CHD5: variants seen among roughly 807,000 people sequenced by gnomAD.
CHD5 encodes chromodomain helicase DNA binding protein 5, also known as ATP-dependent chromatin remodeler CHD5.
CHD5 carries 69 observed loss-of-function variants against 230.3 expected under a neutral mutation model. The observed-to-expected ratio is 0.30, with a 90% CI of 0.25 to 0.37. The LOEUF is 0.37. Ranked by LOEUF, CHD5 falls within the 10% of genes least tolerant of loss-of-function variation. CHD5 has a pLI of 1.00. For missense variants in CHD5, 1,827 were observed against 2,622.8 expected, an observed-to-expected ratio of 0.70 and a Z score of 6.63; for synonymous variants, 1,064 against 1,065.9, an observed-to-expected ratio of 1.00 and a Z score of 0.03.
intron 33 of CHD5, among the ~76,000 whole-genome samples, chr1:6,119,065 T>TA (rs35690342): frequency 3.4e-4 from 49 of 145,726 alleles, no homozygotes; most frequent in Non-Finnish European, 4.8e-4. Flanking sequence ...GCTGTTATCT[T>TA]AAAAAAAAAA....
chr1:6,178,956 A>G (rs1282997692), intron 1 of CHD5, among the ~76,000 whole-genome samples: 2 of 152,084 alleles, frequency 1.3e-5, no homozygotes, highest in Non-Finnish European at 2.9e-5. Flanking sequence ...CAGAGAGGCC[A>G]CAGACTTGGC....
Position 6,123,999 on chromosome 1 carries a change from G to T in CHD5, c.4648C>A (p.Pro1550Thr). The part of the protein sequence containing the change: ...GEVISSDPNT[P>T]VPASPAHLLP... Reference sequence around the variant, plus strand: ...AGGTGGGCAGGGCTGGCGGGCACTGGTGTGTTGGGGTCCGAGGAGATCACC... The same window carrying T: ...AGGTGGGCAGGGCTGGCGGGCACTGTTGTGTTGGGGTCCGAGGAGATCACC... The change falls in exon 31 of 42, where the codon CCA (proline) becomes ACA (threonine). Residue 1550 changes from proline to threonine, a missense_variant. By Grantham distance (38) the Pro-to-Thr change is conservative (BLOSUM62 -1). This residue lies in a region of CHD5 where 272 missense variants were observed against 263.2 expected (regional missense o/e 1.03). Coordinates refer to ENST00000262450, the MANE Select transcript of CHD5 (RefSeq NM_015557.3). 1 of 1,610,578 alleles carries T rather than the reference G, an allele frequency of 6.2e-7. No homozygotes were observed. The highest frequency in any genetic ancestry group is 8.5e-7 in the Non-Finnish European group (1 of 1,179,094).
At chr1:6,147,518 C>A (rs1413006882) in intron 9 of CHD5, among the ~76,000 whole-genome samples, 3 of 152,218 alleles carry the variant, frequency 2.0e-5, no homozygotes, top group African/African-American at 7.2e-5. Context: ...ACAACAGCCA[C>A]AAACCACACC....
At position 6,102,895 on chromosome 1, in the gene CHD5, G is replaced by A. The variant is rs903320316; in HGVS notation, c.*2579C>T. ...TCCACCCCGAGTCACCTGAGCCCAT[G>A]GGGCAATGCCTTCCAAGACCTTGGC... On this transcript the variant is annotated 3_prime_UTR_variant, in exon 42 of 42. Transcript: ENST00000262450. The A allele has an allele frequency of 6.6e-6, 1 of 152,436 alleles. No homozygotes were observed. Among genetic ancestry groups the A allele is most frequent in the African/African-American group, 2.4e-5 (1 of 41,462 alleles). 9.4% of individuals were successfully genotyped at this position (152,436 alleles called of 1,614,324 possible). A position where few individuals can be genotyped will look rare whatever the true frequency, so the allele number is the denominator to read the frequency against.
chr1:6,151,039 C>A lies in CHD5; in HGVS notation c.987G>T (p.Lys329Asn), dbSNP rs1321915524. The change falls in exon 7 of 42, where the codon AAG becomes AAT. Residue 329 changes from lysine (K) to asparagine (N), a missense_variant. By Grantham distance (94) the Lys-to-Asn change is moderately conservative. Transcript: ENST00000262450. The stretch of plus-strand genomic sequence containing the variant: ...CTGGAAGGGGAGTCATACTCCTCTT[C>A]TTCTTGCGCCTCCTCTTGCTCTTCT... ...LGKKSKRRRK[K>N]KRIDDGDGYE... is the part of the protein sequence containing the mutation. 2.6e-6 allele frequency: 4 copies of A among 1,568,304 alleles called. No homozygotes were observed. In the Admixed American group the frequency reaches 7.0e-5, roughly 28 times the overall value.
chr1:6,112,831 T>C, intron 34 of CHD5, 78 bp downstream of exon 34: 2 of 1,067,398 alleles, frequency 1.9e-6, no homozygotes, highest in Non-Finnish European at 2.8e-6. Context: ...TGGGAGACTG[T>C]GGGAGGCTGA....
intron 1 of CHD5, among the ~76,000 whole-genome samples, chr1:6,175,729 T>C (rs1024219797): frequency 2.7e-5 from 4 of 147,138 alleles, no homozygotes; most frequent in African/African-American, 1.0e-4. Flanking sequence ...CGGATGGATA[T>C]ACATATGGAT....
rs1432381827 is a variant in CHD5 at position 6,136,644 on chromosome 1, G to T, written c.2575-6C>A. On this transcript the variant is annotated splice_polypyrimidine_tract_variant and splice_region_variant and intron_variant, in intron 16 of 41. Coordinates refer to ENST00000262450, the MANE Select transcript of CHD5 (RefSeq NM_015557.3). ...CTGTTTAAGACCCTAAAAAACTGAG[G>T]GGAGGAGAGTGGGGCCTGTCAGGGG... 6.2e-7 allele frequency: 1 copy of T among 1,614,116 alleles called. No homozygotes were observed. Among genetic ancestry groups the T allele is most frequent in the East Asian group, 2.2e-5 (1 of 44,870 alleles).
rs954308742 is a variant in CHD5 at position 6,155,256 on chromosome 1, G to A, written c.506+343C>T. ...TGGGTTTTCAGGCCCTGCAAGACTT[G>A]TGGGGCCACAGGTGGGCTACAGTGG... On this transcript the variant is annotated intron_variant, in intron 4 of 41. Coordinates refer to ENST00000262450, the MANE Select transcript of CHD5 (RefSeq NM_015557.3). The surrounding 1 kb of genome is among the most constrained non-coding windows in gnomAD (Gnocchi z 4.0). Among the ~76,000 whole-genome samples, 2 of 152,052 alleles carry A rather than the reference G, an allele frequency of 1.3e-5. No homozygotes were observed. Among genetic ancestry groups the A allele is most frequent in the African/African-American group, 4.8e-5 (2 of 41,352 alleles).
chr1:6,108,138 G>A (rs1666225868), intron 38 of CHD5, among the ~76,000 whole-genome samples: 1 of 144,072 alleles, frequency 6.9e-6, no homozygotes, highest in Non-Finnish European at 1.5e-5. Flanking sequence ...ATGATGGAGG[G>A]ATGGAGGAAT....
chr1:6,145,475 C>T (rs1666895504), intron 11 of CHD5, among the ~76,000 whole-genome samples: 1 of 152,268 alleles, frequency 6.6e-6, no homozygotes, highest in South Asian at 2.1e-4. Flanking sequence ...ATCTGTCAGC[C>T]ACCACCAGTT....
At position 6,149,219 on chromosome 1, in the gene CHD5, C is replaced by T. The variant is rs776941859; in HGVS notation, c.1161+27G>A. On this transcript the variant is annotated intron_variant, in intron 8 of 41. Coordinates refer to ENST00000262450, the MANE Select transcript of CHD5 (RefSeq NM_015557.3). Reference sequence around the variant, plus strand: ...GGGGGAGCCAGGCGTGGCCCCGCCCCCAGCCCGGGGCTCTGCCAAGGCTTA... The same window carrying T: ...GGGGGAGCCAGGCGTGGCCCCGCCCTCAGCCCGGGGCTCTGCCAAGGCTTA... 4.3e-5 allele frequency: 67 copies of T among 1,548,404 alleles called. No homozygotes were observed. The Admixed American group carries it at 1.2e-3, about 27-fold the overall frequency.
rs1324589948 is a variant in CHD5 at position 6,134,292 on chromosome 1, G to A, written c.3013-33C>T. On this transcript the variant is annotated intron_variant, in intron 19 of 41. Transcript: ENST00000262450. The surrounding 1 kb of genome is among the most constrained non-coding windows in gnomAD (Gnocchi z 6.3). ...CACAGCAGGAGGTGGGGCATTGGTG[G>A]GCTCCCCTCTCCTCTCTGACTCTGC... is the stretch of plus-strand genomic sequence containing the variant. The A allele has an allele frequency of 3.1e-6, 5 of 1,606,914 alleles. No homozygotes were observed. The Admixed American group carries it at 8.3e-5, about 27-fold the overall frequency.
chr1:6,128,552 T>G lies in CHD5; in HGVS notation c.3677A>C (p.Lys1226Thr). 1 of 1,614,102 alleles carries G rather than the reference T, an allele frequency of 6.2e-7. No homozygotes were observed. Among genetic ancestry groups the G allele is most frequent in the Non-Finnish European group, 8.5e-7 (1 of 1,180,000 alleles). Residue 1226 changes from lysine (K) to threonine (T), a missense_variant, in exon 24 of 42, where the codon AAA (lysine) becomes ACA (threonine). By Grantham distance (78) the Lys-to-Thr change is moderately conservative (BLOSUM62 -1). Around this residue, in one of 14 missense-constraint regions of CHD5, gnomAD observed 25 missense variants for 20.3 expected, o/e 1.23. Transcript: ENST00000262450. The surrounding 1 kb of genome is among the most constrained non-coding windows in gnomAD (Gnocchi z 7.8). ...VTPIPDVQSS[K>T]GGNLAASAKK... ...TGCACTGGCGGCCAAGTTCCCCCCT[T>G]TGGAGGACTGGACATCAGGGATGGG...
At chr1:6,113,259 CA>C in intron 33 of CHD5, 2 of 459,956 alleles carry the variant, frequency 4.3e-6, no homozygotes, top group Non-Finnish European at 8.1e-6. Flanking sequence ...CTCATCTCTA[CA>C]AAAAATACAA....
chr1:6,178,010 G>T (rs1667451784), intron 1 of CHD5, among the ~76,000 whole-genome samples: 1 of 152,186 alleles, frequency 6.6e-6, no homozygotes, highest in Non-Finnish European at 1.5e-5. Flanking sequence ...GGACCGGCAG[G>T]AGGGGACAGA....
Position 6,129,682 on chromosome 1 carries a change from G to T in CHD5, c.3387+522C>A, listed in dbSNP as rs138964172. 2.0e-5 allele frequency among the ~76,000 whole-genome samples: 3 copies of T among 152,060 alleles called. No individual in the cohort carries two copies. The highest frequency in any genetic ancestry group is 4.8e-5 in the African/African-American group (2 of 41,390). On this transcript the variant is annotated intron_variant, in intron 22 of 41. Coordinates refer to ENST00000262450, the MANE Select transcript of CHD5 (RefSeq NM_015557.3). The surrounding 1 kb of genome is among the most constrained non-coding windows in gnomAD (Gnocchi z 6.8). The stretch of plus-strand genomic sequence containing the variant: ...AAGCATTCAATGTGTGTGTCCCAGC[G>T]CCCGAGAGGGGTGGCCAGGTACACT...
At position 6,102,640 on chromosome 1, in the gene CHD5, CG is replaced by C. The variant is rs1320788221; in HGVS notation, c.*2833del. On this transcript the variant is annotated 3_prime_UTR_variant, in exon 42 of 42. Coordinates refer to ENST00000262450, the MANE Select transcript of CHD5 (RefSeq NM_015557.3). Reference sequence around the variant, plus strand: ...CAGGAGTGAGGGCTGCAGGTGTCACCGGGCCAAGGCTTGGTCAGCTCCTGAC... The same window carrying C: ...CAGGAGTGAGGGCTGCAGGTGTCACCGGCCAAGGCTTGGTCAGCTCCTGAC... 6.6e-6 allele frequency: 1 copy of C among 152,284 alleles called. No homozygotes were observed. Among genetic ancestry groups the C allele is most frequent in the Non-Finnish European group, 1.5e-5 (1 of 68,074 alleles). 9.4% of individuals were successfully genotyped at this position (152,284 alleles called of 1,614,324 possible).
chr1:6,158,325 C>G (rs1667111126), intron 3 of CHD5, among the ~76,000 whole-genome samples: 1 of 152,242 alleles, frequency 6.6e-6, no homozygotes. Context: ...CAGTAGGAGA[C>G]TCCGGGAATG....
Sources: allele counts gnomAD v4.1 joint callset (sites outside exome capture counted in the v4.1 genomes callset), GRCh38; gene constraint gnomAD v4.1.1; regional missense constraint gnomAD v4.1.1; non-coding constraint Gnocchi (gnomAD v3.1); transcripts MANE v1.5; gene names NCBI Gene and HGNC (gene_info 2026-07-23, HGNC 2026-07-21).